The following CERS6 variants were observed in gnomAD, a reference collection of about 807,000 sequenced individuals.
CERS6 encodes LAG1 homolog, ceramide synthase 6.
In CERS6, 26 loss-of-function variants were observed where a neutral mutation model predicts 56.8. The observed-to-expected ratio is 0.46, with a 90% CI of 0.34 to 0.63. The LOEUF (loss-of-function observed/expected upper bound fraction) is 0.63, where lower values mean the gene tolerates loss of function less well. CERS6 is among the 30% of genes least tolerant of loss of function. CERS6 has a pLI of 0.01. For synonymous variants in CERS6, 164 were observed against 173.3 expected, an observed-to-expected ratio of 0.95 and a Z score of 0.42; for missense variants, 415 against 467.5, an observed-to-expected ratio of 0.89 and a Z score of 1.04.
intron 3 of CERS6, among the ~76,000 whole-genome samples, chr2:168,630,301 T>TACACAC (rs3066962): frequency 4.3e-5 from 6 of 140,020 alleles, no homozygotes; most frequent in African/African-American, 1.7e-4. Context: ...GTAATAAGTA[T>TACACAC]ACACACACAC....
intron 8 of CERS6, among the ~76,000 whole-genome samples, chr2:168,734,726 G>C (rs1683661190): frequency 6.6e-6 from 1 of 152,164 alleles, no homozygotes; most frequent in South Asian, 2.1e-4. Flanking sequence ...TTTAAAAGTT[G>C]CTTAGCAATG....
intron 3 of CERS6, among the ~76,000 whole-genome samples, chr2:168,609,337 A>C (rs1684129998): frequency 6.6e-6 from 1 of 152,222 alleles, no homozygotes; most frequent in South Asian, 2.1e-4. Context: ...TCTTATGATG[A>C]AATCTTTGAC....
At position 168,513,698 on chromosome 2, in the gene CERS6, G is replaced by A. The variant is rs73018578; in HGVS notation, c.171-33898G>A. 7.0e-3 allele frequency among the ~76,000 whole-genome samples: 1,071 copies of A among 152,234 alleles called. 13 individuals carry two copies. The highest frequency in any genetic ancestry group is 0.024 in the African/African-American group (985 of 41,524). On this transcript the variant is annotated intron_variant, in intron 1 of 9. Transcript: ENST00000305747. The stretch of plus-strand genomic sequence containing the variant: ...GTTTCTCTGCTCGAAAGTTAGCACC[G>A]CCTCCCTTTCCATACTACAGTCTTT...
chr2:168,595,915 C>T (rs1384935910), intron 3 of CERS6, among the ~76,000 whole-genome samples: 1 of 151,356 alleles, frequency 6.6e-6, no homozygotes, highest in East Asian at 1.9e-4. Flanking sequence ...TATTTTCTTC[C>T]AGATGTAAAG....
At chr2:168,600,055 G>A (rs146221765) in intron 3 of CERS6, among the ~76,000 whole-genome samples, 386 of 152,150 alleles carry the variant, frequency 2.5e-3, no homozygotes, top group Non-Finnish European at 2.2e-3. Context: ...TAACTTGCAC[G>A]CTGAAGGCTC....
chr2:168,561,287 G>T lies in CERS6; in HGVS notation c.372G>T (p.Glu124Asp). The change falls in exon 3 of 10, where the codon GAG (glutamate) becomes GAT (aspartate). Residue 124 changes from glutamate to aspartate, a missense_variant. By Grantham distance (45) the Glu-to-Asp change is conservative (BLOSUM62 2). Transcript: ENST00000305747. ...QRWFRQRRNQEKPSTLTRFCE... is the reference protein window; with the variant it reads ...QRWFRQRRNQDKPSTLTRFCE... Reference sequence around the variant, plus strand: ...GGTTTCGACAAAGACGCAATCAGGAGAAGCCAAGCACGCTGACGAGGTTCT... The same window carrying T: ...GGTTTCGACAAAGACGCAATCAGGATAAGCCAAGCACGCTGACGAGGTTCT... 1 of 1,614,160 alleles carries T rather than the reference G, an allele frequency of 6.2e-7. No homozygotes were observed. Among genetic ancestry groups the T allele is most frequent in the Non-Finnish European group, 8.5e-7 (1 of 1,180,006 alleles).
intron 3 of CERS6, among the ~76,000 whole-genome samples, chr2:168,564,398 C>G (rs753970972): frequency 6.6e-6 from 1 of 152,174 alleles, no homozygotes. Flanking sequence ...CATATGTCTC[C>G]TTATTTTTTT....
intron 4 of CERS6, among the ~76,000 whole-genome samples, chr2:168,645,152 G>A (rs866804197): frequency 1.5e-5 from 1 of 67,236 alleles, no homozygotes; most frequent in Non-Finnish European, 2.4e-5. Context: ...TAGAGAGAGA[G>A]AGAGAGAGAG....
At chr2:168,596,528 CATT>C (rs1375954579) in intron 3 of CERS6, among the ~76,000 whole-genome samples, 1 of 149,016 alleles carries the variant, frequency 6.7e-6, no homozygotes, top group Non-Finnish European at 1.5e-5. Flanking sequence ...TTCATTAAAT[CATT>C]GTTTCAGGGC....
intron 8 of CERS6, among the ~76,000 whole-genome samples, chr2:168,758,528 C>T (rs555139104): frequency 6.6e-6 from 1 of 152,136 alleles, no homozygotes; most frequent in Non-Finnish European, 1.5e-5. Flanking sequence ...TTTGCGGTTA[C>T]TTGACATGGC....
chr2:168,765,709 G>C lies in CERS6; in HGVS notation c.963G>C (p.Leu321Phe). The change falls in exon 9 of 10, where the codon TTG (leucine) becomes TTC (phenylalanine). Residue 321 changes from leucine (L) to phenylalanine (F), a missense_variant. Physicochemically the swap from Leu to Phe is conservative, Grantham distance 22. Transcript: ENST00000305747. ...GGTTGAACTGCTTCTGGTCTTACTT[G>C]ATTGTGAAAATAGCTTGCAAAGCTG... The part of the protein sequence containing the change: ...VQGLNCFWSY[L>F]IVKIACKAVS... The C allele has an allele frequency of 6.2e-7, 1 of 1,613,734 alleles. No homozygotes were observed. Among genetic ancestry groups the C allele is most frequent in the Admixed American group, 1.7e-5 (1 of 59,932 alleles).
At chr2:168,458,085 T>G (rs772644953) in intron 1 of CERS6, among the ~76,000 whole-genome samples, 1 of 152,018 alleles carries the variant, frequency 6.6e-6, no homozygotes, top group Non-Finnish European at 1.5e-5. Context: ...AGAGCAAATG[T>G]TTGGTTACAG....
intron 1 of CERS6, among the ~76,000 whole-genome samples, chr2:168,459,234 A>G (rs1326195388): frequency 6.6e-6 from 1 of 152,276 alleles, no homozygotes; most frequent in Admixed American, 6.5e-5. Context: ...AAGTGAAGTC[A>G]GTAATGTCCT....
intron 3 of CERS6, among the ~76,000 whole-genome samples, chr2:168,592,228 T>C (rs1683688683): frequency 6.6e-6 from 1 of 152,132 alleles, no homozygotes; most frequent in Admixed American, 6.5e-5. Context: ...GAGGTGGTGT[T>C]TCAGAAAGAC....
At chr2:168,642,638 C>T (rs912676861) in intron 4 of CERS6, among the ~76,000 whole-genome samples, 9 of 152,170 alleles carry the variant, frequency 5.9e-5, no homozygotes, top group Admixed American at 4.6e-4. Flanking sequence ...ATTCTTGCCT[C>T]TCCCTGGCAC....
chr2:168,572,077 A>C (rs1243500479), intron 3 of CERS6, among the ~76,000 whole-genome samples: 1 of 152,186 alleles, frequency 6.6e-6, no homozygotes, highest in East Asian at 1.9e-4. Context: ...ACCATGACAC[A>C]CAGGCCAAGG....
chr2:168,591,400 C>G (rs1683667430), intron 3 of CERS6, among the ~76,000 whole-genome samples: 1 of 152,104 alleles, frequency 6.6e-6, no homozygotes, highest in African/African-American at 2.4e-5. Flanking sequence ...GTTTGATAGC[C>G]AAATTGAGAT....
intron 5 of CERS6, among the ~76,000 whole-genome samples, chr2:168,692,110 G>GAAA (rs1165354053): frequency 2.0e-5 from 3 of 152,108 alleles, no homozygotes; most frequent in African/African-American, 7.2e-5. Context: ...TCTTACGAGT[G>GAAA]GTTTTTTCAC....
At chr2:168,541,680 G>A (rs1695376025) in intron 1 of CERS6, among the ~76,000 whole-genome samples, 1 of 152,152 alleles carries the variant, frequency 6.6e-6, no homozygotes, top group Admixed American at 6.5e-5. Flanking sequence ...TTAATAGGCA[G>A]TTTACTTAGA....
Sources: allele counts gnomAD v4.1 joint callset (sites outside exome capture counted in the v4.1 genomes callset), GRCh38; gene constraint gnomAD v4.1.1; transcripts MANE v1.5; gene names NCBI Gene and HGNC (gene_info 2026-07-23, HGNC 2026-07-21).